Variants in ABCC4 observed in about 807,000 individuals in gnomAD.
The protein encoded by ABCC4 is ATP-binding cassette sub-family C member 4.
ABCC4 carries 102 observed loss-of-function variants against 168.5 expected under a neutral mutation model. The ratio of observed to expected loss-of-function variants is 0.61; its 90% CI spans 0.52 to 0.71. The LOEUF is 0.71. Among genes scored for constraint, ABCC4 ranks in the 30% least tolerant of loss-of-function variants. The probability of loss-of-function intolerance (pLI) is 0.00; values close to 1 mark genes in which losing one functional copy is unlikely to be tolerated. For missense variants in ABCC4, 1,402 were observed against 1,605.8 expected (o/e 0.87, Z 2.17); for synonymous variants, 617 against 590.7 (o/e 1.04, Z -0.65).
intron 29 of ABCC4, among the ~76,000 whole-genome samples, chr13:95,038,795 G>A (rs562256431): frequency 6.6e-6 from 1 of 152,294 alleles, no homozygotes; most frequent in Non-Finnish European, 1.5e-5. Flanking sequence ...CTGACCAGTG[G>A]TGCAGTCTGG....
chr13:95,231,014 T>A (rs925966685), intron 4 of ABCC4, among the ~76,000 whole-genome samples: 7 of 152,206 alleles, frequency 4.6e-5, no homozygotes, highest in African/African-American at 9.6e-5. Context: ...TTATGCTACA[T>A]GAAGTGAGCC....
chr13:95,045,067 C>T (rs936650521), intron 27 of ABCC4, among the ~76,000 whole-genome samples: 1 of 152,182 alleles, frequency 6.6e-6, no homozygotes, highest in African/African-American at 2.4e-5. Flanking sequence ...CAGTGTCCCC[C>T]AGCACCTGAA....
chr13:95,160,097 G>T (rs2037043641), intron 19 of ABCC4, among the ~76,000 whole-genome samples: 1 of 152,220 alleles, frequency 6.6e-6, no homozygotes, highest in Admixed American at 6.5e-5. Flanking sequence ...ACTAGGACAT[G>T]AATATGAATG....
At chr13:95,042,151 C>T (rs773779566) in intron 29 of ABCC4, among the ~76,000 whole-genome samples, 2 of 152,134 alleles carry the variant, frequency 1.3e-5, no homozygotes, top group Non-Finnish European at 2.9e-5. Flanking sequence ...CAGTTACATC[C>T]TCCAAGGGAA....
intron 1 of ABCC4, among the ~76,000 whole-genome samples, chr13:95,248,912 T>C (rs535892463): frequency 3.3e-5 from 5 of 152,240 alleles, no homozygotes; most frequent in African/African-American, 1.2e-4. Context: ...TGATGACACA[T>C]GCCTGTAATC....
chr13:95,248,538 T>C (rs2040171273), intron 1 of ABCC4, among the ~76,000 whole-genome samples: 1 of 152,154 alleles, frequency 6.6e-6, no homozygotes, highest in Non-Finnish European at 1.5e-5. Context: ...TGGTCATCCA[T>C]TAGGAATCAC....
In ABCC4 at chr13:95,301,362, C is replaced by T. The variant is rs1476259992; in HGVS notation, c.-48G>A. The T allele has an allele frequency of 9.3e-6, 14 of 1,508,096 alleles. No homozygotes were observed. The highest frequency in any genetic ancestry group is 6.2e-6 in the Non-Finnish European group (7 of 1,120,636). 93.4% of individuals were successfully genotyped at this position (1,508,096 alleles called of 1,614,324 possible). A position where few individuals can be genotyped will look rare whatever the true frequency, so the allele number is the denominator to read the frequency against. ...GGCCGGGGTCGCGCTGATCAGGCGG[C>T]GGTGGCCGCGGGCTCCGCTCCTGGA... On this transcript the variant is annotated 5_prime_UTR_variant, in exon 1 of 31. Transcript: ENST00000645237.
At chr13:95,196,580 A>AGGAGGGAGGGAGGGAGGGAG (rs1566515153) in intron 8 of ABCC4, among the ~76,000 whole-genome samples, 2 of 101,198 alleles carry the variant, frequency 2.0e-5, no homozygotes, top group African/African-American at 6.7e-5. Flanking sequence ...AAAGGAGGAA[A>AGGAGGGAGGGAGGGAGGGAG]GGAGGAAGGA....
At chr13:95,189,466 T>A (rs1290909626) in intron 9 of ABCC4, among the ~76,000 whole-genome samples, 1 of 152,238 alleles carries the variant, frequency 6.6e-6, no homozygotes, top group Non-Finnish European at 1.5e-5. Flanking sequence ...CAACCATTTG[T>A]AAATTTTCAT....
intron 19 of ABCC4, among the ~76,000 whole-genome samples, chr13:95,119,706 C>T (rs2035497425): frequency 6.6e-6 from 1 of 152,162 alleles, no homozygotes; most frequent in Admixed American, 6.5e-5. Context: ...CTTGTAAGTT[C>T]CCATGTCTAC....
intron 29 of ABCC4, among the ~76,000 whole-genome samples, chr13:95,040,270 C>T (rs1164568608): frequency 6.6e-6 from 1 of 152,150 alleles, no homozygotes; most frequent in African/African-American, 2.4e-5. Context: ...CTCACTCTGT[C>T]GCCCAGGCTG....
rs117989140 is a variant in ABCC4 at position 95,273,105 on chromosome 13, T to A, written c.75-25352A>T. 1.8e-4 allele frequency among the ~76,000 whole-genome samples: 28 copies of A among 152,286 alleles called. 1 individual carries two copies. The East Asian group carries it at 4.8e-3, about 26-fold the overall frequency. Reference sequence around the variant, plus strand: ...AGAAATTTTATCTATGGCAATTGATTTTTTTTATCCTAATTCAAAGAGCAA... The same window carrying A: ...AGAAATTTTATCTATGGCAATTGATATTTTTTATCCTAATTCAAAGAGCAA... On this transcript the variant is annotated intron_variant, in intron 1 of 30. Coordinates refer to ENST00000645237, the MANE Select transcript of ABCC4 (RefSeq NM_005845.5).
rs573531416 is a variant in ABCC4 at position 95,267,347 on chromosome 13, C to T, written c.75-19594G>A. Among the ~76,000 whole-genome samples, 4 of 152,320 alleles carry T rather than the reference C, an allele frequency of 2.6e-5. No homozygotes were observed. The South Asian group carries it at 8.3e-4, about 32-fold the overall frequency. On this transcript the variant is annotated intron_variant, in intron 1 of 30. Coordinates refer to ENST00000645237, the MANE Select transcript of ABCC4 (RefSeq NM_005845.5). ...TTTTATAAAGTGGAGTTTCCCTACA[C>T]AAGTTCTCTTGTCTGCCACCATGTG...
intron 19 of ABCC4, among the ~76,000 whole-genome samples, chr13:95,132,972 A>G (rs2036022479): frequency 6.6e-6 from 1 of 152,120 alleles, no homozygotes; most frequent in Admixed American, 6.6e-5. Context: ...GGGAAGATGG[A>G]TAAGTTCAGG....
intron 19 of ABCC4, among the ~76,000 whole-genome samples, chr13:95,142,272 A>G (rs1261066952): frequency 6.6e-6 from 1 of 152,240 alleles, no homozygotes; most frequent in Non-Finnish European, 1.5e-5. Context: ...AATTAATGGC[A>G]TTTGCAGTGA....
At position 95,194,816 on chromosome 13, in the gene ABCC4, T is replaced by C. The variant is rs148733669; in HGVS notation, c.1263+20A>G. ...CTCATTATCTTCAGCAGTCATGATCTTGCATTAAGGATATGTTACCTTATC... is the reference window on the plus strand; with the variant it reads ...CTCATTATCTTCAGCAGTCATGATCCTGCATTAAGGATATGTTACCTTATC... On this transcript the variant is annotated intron_variant, in intron 9 of 30. Transcript: ENST00000645237. 179 of 1,591,344 alleles carry C rather than the reference T, an allele frequency of 1.1e-4. 1 individual carries two copies. In the African/African-American group the frequency reaches 2.1e-3, roughly 19 times the overall value.
intron 20 of ABCC4, among the ~76,000 whole-genome samples, chr13:95,085,114 G>A (rs1245381491): frequency 2.6e-5 from 4 of 152,132 alleles, no homozygotes; most frequent in Non-Finnish European, 5.9e-5. Context: ...AAAAGTACAT[G>A]ACTTCAGCAG....
chr13:95,167,046 G>A (rs1375593275), intron 14 of ABCC4, among the ~76,000 whole-genome samples: 3 of 151,846 alleles, frequency 2.0e-5, no homozygotes, highest in Non-Finnish European at 4.4e-5. Flanking sequence ...AAAATTAGCC[G>A]GGCATCTGTA....
chr13:95,091,199 T>C (rs2034422750), intron 20 of ABCC4, among the ~76,000 whole-genome samples: 2 of 152,236 alleles, frequency 1.3e-5, no homozygotes, highest in Admixed American at 6.5e-5. Flanking sequence ...AAGAAGAGAA[T>C]TCTAAAAGCT....
Sources: gnomAD v4.1 joint callset for allele counts (sites outside exome capture counted in the v4.1 genomes callset) on GRCh38, gnomAD v4.1.1 for gene constraint, MANE v1.5 for transcripts, NCBI Gene and HGNC (gene_info 2026-07-23, HGNC 2026-07-21) for gene names.